The following CELF2 variants were observed in gnomAD, a reference collection of about 807,000 sequenced individuals.
CELF2 encodes CUGBP Elav-like family member 2.
In CELF2, 8 loss-of-function variants were observed where a neutral mutation model predicts 62.6. That is an observed-to-expected ratio of 0.13 (90% confidence interval 0.07 to 0.23). CELF2 has a LOEUF of 0.23. CELF2 is among the 10% of genes least tolerant of loss of function. CELF2 has a pLI of 1.00. For synonymous variants in CELF2, 258 were observed against 250.0 expected, an observed-to-expected ratio of 1.03 and a Z score of -0.30; for missense variants, 333 against 671.0, an observed-to-expected ratio of 0.50 and a Z score of 5.56.
intron 1 of CELF2, among the ~76,000 whole-genome samples, chr10:11,055,759 C>T (rs559384514): frequency 4.6e-5 from 7 of 152,302 alleles, no homozygotes; most frequent in African/African-American, 1.2e-4. Flanking sequence ...GTGCTGTGGC[C>T]GCCATCTTGA....
the CELF2 span, among the ~76,000 whole-genome samples, chr10:10,750,284 GAAAAAA>G: frequency 1.0e-3 from 111 of 110,820 alleles, no homozygotes; most frequent in Non-Finnish European, 1.9e-3. Flanking sequence ...CCATCTCAAA[GAAAAAA>G]AAAAAAAAAG....
intron 2 of CELF2, among the ~76,000 whole-genome samples, chr10:10,950,295 T>C (rs766226240): frequency 3.3e-5 from 5 of 151,134 alleles, no homozygotes; most frequent in Non-Finnish European, 7.4e-5. Flanking sequence ...GGACGGGAGG[T>C]GCAGGTGAGA....
chr10:10,683,872 C>A, the CELF2 span, among the ~76,000 whole-genome samples: 98 of 152,234 alleles, frequency 6.4e-4, no homozygotes, highest in African/African-American at 2.3e-3. Flanking sequence ...AACAGGAGGA[C>A]CAAAGGCAAA....
At chr10:10,553,053 TACC>T in the CELF2 span, among the ~76,000 whole-genome samples, 2 of 152,100 alleles carry the variant, frequency 1.3e-5, no homozygotes, top group Non-Finnish European at 2.9e-5. Context: ...AATAAAGACA[TACC>T]AAGGACTGGG....
chr10:10,754,422 G>T, the CELF2 span, among the ~76,000 whole-genome samples: 2 of 152,104 alleles, frequency 1.3e-5, no homozygotes, highest in Non-Finnish European at 1.5e-5. Flanking sequence ...AAAGTGCTGG[G>T]ATTCCAAGGA....
intron 4 of CELF2, among the ~76,000 whole-genome samples, chr10:11,253,704 C>G (rs1024223215): frequency 2.0e-5 from 3 of 152,046 alleles, no homozygotes; most frequent in African/African-American, 7.2e-5. Flanking sequence ...AAAAAAGTCA[C>G]CCCGTGTATT....
intron 2 of CELF2, among the ~76,000 whole-genome samples, chr10:11,206,188 T>TCC (rs1213734817): frequency 6.6e-6 from 1 of 152,184 alleles, no homozygotes; most frequent in African/African-American, 2.4e-5. Flanking sequence ...GCATTCTTAG[T>TCC]CCAGGGAATT....
At chr10:10,805,404 C>T (rs1213539160) in intron 1 of CELF2, among the ~76,000 whole-genome samples, 2 of 152,162 alleles carry the variant, frequency 1.3e-5, no homozygotes, top group African/African-American at 4.8e-5. Flanking sequence ...GTAATTTTTC[C>T]TTTTCCCTTA....
chr10:10,678,071 T>A, the CELF2 span, among the ~76,000 whole-genome samples: 8 of 152,352 alleles, frequency 5.3e-5, no homozygotes, highest in Admixed American at 1.3e-4. Flanking sequence ...CAAAACTCTC[T>A]GCTTCTTTGG....
intron 1 of CELF2, among the ~76,000 whole-genome samples, chr10:11,042,201 T>G (rs74749716): frequency 6.6e-6 from 1 of 152,244 alleles, no homozygotes; most frequent in Non-Finnish European, 1.5e-5. Context: ...CCTTTCAAAT[T>G]TGTTATTATT....
intron 2 of CELF2, among the ~76,000 whole-genome samples, chr10:10,971,775 T>C (rs2050781067): frequency 6.6e-6 from 1 of 152,110 alleles, no homozygotes; most frequent in South Asian, 2.1e-4. Flanking sequence ...TTAGTAGAGA[T>C]GGAGTTTCAC....
At chr10:11,248,279 C>A (rs773559865) in intron 3 of CELF2, among the ~76,000 whole-genome samples, 1 of 152,136 alleles carries the variant, frequency 6.6e-6, no homozygotes, top group Non-Finnish European at 1.5e-5. Context: ...CTCTGCGGAC[C>A]AGGCACCGGG....
the CELF2 span, among the ~76,000 whole-genome samples, chr10:10,712,390 A>G: frequency 1.3e-5 from 2 of 152,156 alleles, no homozygotes; most frequent in South Asian, 2.1e-4. Flanking sequence ...GTTGACTTCC[A>G]TGATTTATAT....
chr10:11,113,021 T>C (rs1340091365), intron 1 of CELF2, among the ~76,000 whole-genome samples: 2 of 152,212 alleles, frequency 1.3e-5, no homozygotes, highest in African/African-American at 4.8e-5. Flanking sequence ...GCAATGCATT[T>C]CCACACGTGT....
intron 1 of CELF2, among the ~76,000 whole-genome samples, chr10:11,054,894 T>C (rs2064873636): frequency 6.6e-6 from 1 of 152,284 alleles, no homozygotes; most frequent in African/African-American, 2.4e-5. Context: ...ATTGTATTTT[T>C]AGTACAGATG....
At chr10:10,792,020 C>G in the CELF2 span, among the ~76,000 whole-genome samples, 207 of 103,112 alleles carry the variant, frequency 2.0e-3, no homozygotes, top group African/African-American at 5.6e-3. Flanking sequence ...AGGAGGGAGA[C>G]AGGGAGGAAG....
chr10:10,562,541 ACT>A, the CELF2 span, among the ~76,000 whole-genome samples: 5 of 152,006 alleles, frequency 3.3e-5, no homozygotes, highest in South Asian at 1.0e-3. Flanking sequence ...CAGATCCAAG[ACT>A]CTCTCCTGAG....
At chr10:10,657,070 A>G in the CELF2 span, among the ~76,000 whole-genome samples, 2 of 152,216 alleles carry the variant, frequency 1.3e-5, no homozygotes. Context: ...TTCATATGGC[A>G]GAATATTATT....
intron 1 of CELF2, among the ~76,000 whole-genome samples, chr10:10,908,462 T>C (rs779222371): frequency 1.6e-4 from 24 of 151,782 alleles, no homozygotes; most frequent in Non-Finnish European, 2.8e-4. Flanking sequence ...ACTCGTGATC[T>C]GCCCGCCTCG....
Sources: gnomAD v4.1 joint callset for allele counts (sites outside exome capture counted in the v4.1 genomes callset) on GRCh38, gnomAD v4.1.1 for gene constraint, MANE v1.5 for transcripts, NCBI Gene and HGNC (gene_info 2026-07-23, HGNC 2026-07-21) for gene names.